Variants in CFAP298 observed in about 807,000 individuals in gnomAD.
CFAP298 encodes the protein cilia- and flagella-associated protein 298.
In CFAP298, 38 loss-of-function variants were observed where a neutral mutation model predicts 41.0. The observed-to-expected ratio is 0.93, with a 90% CI of 0.72 to 1.22. The LOEUF is 1.22. Among genes scored for constraint, CFAP298 ranks in the 50% most tolerant of loss-of-function variants. The pLI is 0.00. For missense variants in CFAP298, 348 were observed against 360.3 expected (o/e 0.97, Z 0.28); for synonymous variants, 137 against 135.3 (o/e 1.01, Z -0.09).
intron 3 of CFAP298, among the ~76,000 whole-genome samples, chr21:32,607,392 G>A (rs1338860440): frequency 3.3e-5 from 5 of 151,922 alleles, no homozygotes; most frequent in South Asian, 2.1e-4. Flanking sequence ...TCAGGAGTTC[G>A]AGACCAGCCT....
chr21:32,602,581 C>G (rs766192360), intron 5 of CFAP298: 2 of 1,378,606 alleles, frequency 1.5e-6, no homozygotes, highest in Non-Finnish European at 1.9e-6. Context: ...AGAGGCTGCA[C>G]GATACCATCT....
At position 32,608,852 on chromosome 21, in the gene CFAP298, C is replaced by A. The variant is rs141939680; in HGVS notation, c.307+986G>T. ...AAGGAAAAAATACTAGGAATTCTTA[C>A]TATCCCTGATATTTAAAAAAATGTA... On this transcript the variant is annotated intron_variant, in intron 2 of 6. Transcript: ENST00000290155. Among the ~76,000 whole-genome samples the A allele has an allele frequency of 1.7e-3, 258 of 152,200 alleles. 4 individuals are homozygous for A. Among genetic ancestry groups the A allele is most frequent in the African/African-American group, 6.0e-3 (250 of 41,510 alleles).
intron 5 of CFAP298, 66 bp from the exon 6 acceptor site, chr21:32,602,433 C>A: frequency 6.4e-7 from 1 of 1,560,018 alleles, no homozygotes; most frequent in African/African-American, 1.4e-5. Context: ...CCTGAAGTTA[C>A]AACAAATGTT....
rs187406612 is a variant in CFAP298, at chr21:32,604,216, C to G, written c.443G>C (p.Gly148Ala). 56 of 1,614,088 alleles carry G rather than the reference C, an allele frequency of 3.5e-5. No individual in the cohort carries two copies. In the East Asian group the frequency reaches 1.2e-3, roughly 35 times the overall value. Residue 148 changes from glycine to alanine, a missense_variant, in exon 4 of 7, where the codon GGC (glycine) becomes GCC (alanine). Transcript: ENST00000290155. The part of the protein sequence containing the change: ...MVKDALDQLR[G>A]AVMIVYPMGL... The stretch of plus-strand genomic sequence containing the variant: ...CATGGGGTAAACAATCATCACCGCG[C>G]CTCGAAGCTGGTCCAAGGCATCTTT...
Position 32,603,401 on chromosome 21 carries a change from C to T in CFAP298, c.535-109G>A, listed in dbSNP as rs139418844. The T allele has an allele frequency of 2.6e-5, 31 of 1,188,782 alleles. No homozygotes were observed. The African/African-American group carries it at 4.6e-4, about 18-fold the overall frequency. 73.6% of individuals were successfully genotyped at this position (1,188,782 alleles called of 1,614,324 possible). ...GGGGACAGATTTCTCCCCGTGCTCACCATGGGAGGCCTGACTCCCGCACCT... is the reference window on the plus strand; with the variant it reads ...GGGGACAGATTTCTCCCCGTGCTCATCATGGGAGGCCTGACTCCCGCACCT... On this transcript the variant is annotated intron_variant, in intron 4 of 6. Transcript: ENST00000290155.
intron 3 of CFAP298, 62 bp from the exon 4 acceptor site, chr21:32,604,345 G>A: frequency 6.3e-7 from 1 of 1,585,854 alleles, no homozygotes; most frequent in Non-Finnish European, 8.7e-7. Context: ...ATTCGATCAA[G>A]ATCTTGTACA....
At chr21:32,608,773 A>C (rs1288119485) in intron 2 of CFAP298, among the ~76,000 whole-genome samples, 7 of 152,030 alleles carry the variant, frequency 4.6e-5, no homozygotes, top group Non-Finnish European at 5.9e-5. Flanking sequence ...ATCTTACCAC[A>C]TCTTCTTACG....
chr21:32,611,701 T>C (rs1040855517), intron 1 of CFAP298, among the ~76,000 whole-genome samples: 23 of 152,278 alleles, frequency 1.5e-4, no homozygotes, highest in Middle Eastern at 3.4e-3. Context: ...GGTGGCTCGC[T>C]GCTTTACATT....
At chr21:32,603,322 G>A (rs1378019533) in intron 4 of CFAP298, 30 bp from the exon 5 acceptor site, 3 of 1,612,374 alleles carry the variant, frequency 1.9e-6, no homozygotes, top group Non-Finnish European at 2.5e-6. Context: ...TGGCTTGACT[G>A]TGTGTTCCCA....
At chr21:32,602,075 C>A in intron 6 of CFAP298, 102 bp from the exon 7 acceptor site, 1 of 890,326 alleles carries the variant, frequency 1.1e-6, no homozygotes, top group South Asian at 1.4e-5. Context: ...CCTCTCCCTG[C>A]CCTCTAGGAG....
At position 32,610,502 on chromosome 21, in the gene CFAP298, G is replaced by GC. The variant is rs543311263; in HGVS notation, c.140-498dup. ...TTACCCGTGTGAGCCACCACGCCCG[G>GC]CCCCATCCTTGTCTTCTGAAGGCTG... On this transcript the variant is annotated intron_variant, in intron 1 of 6. Coordinates refer to ENST00000290155, the MANE Select transcript of CFAP298 (RefSeq NM_021254.4). 5.3e-5 allele frequency among the ~76,000 whole-genome samples: 8 copies of GC among 152,254 alleles called. No homozygotes were observed. In the South Asian group the frequency reaches 1.5e-3, roughly 28 times the overall value.
rs116616917 is a variant in CFAP298 at position 32,600,485 on chromosome 21, C to T, written c.*1378G>A. On this transcript the variant is annotated 3_prime_UTR_variant, in exon 7 of 7. Transcript: ENST00000290155. ...GGAAGGCCAGGGCAGGAAGATGCCCCGCGTCCTTCACTTTCCCTCAGTGTG... is the reference window on the plus strand; with the variant it reads ...GGAAGGCCAGGGCAGGAAGATGCCCTGCGTCCTTCACTTTCCCTCAGTGTG... Among the ~76,000 whole-genome samples the T allele has an allele frequency of 2.5e-3, 379 of 152,306 alleles. 1 individual carries two copies. Among genetic ancestry groups the T allele is most frequent in the African/African-American group, 8.6e-3 (359 of 41,574 alleles).
intron 3 of CFAP298, among the ~76,000 whole-genome samples, chr21:32,607,065 A>G (rs1053746136): frequency 6.6e-6 from 1 of 152,226 alleles, no homozygotes; most frequent in Non-Finnish European, 1.5e-5. Context: ...AAAGAAATGA[A>G]ATCAACATTT....
rs1010217916 is a variant in CFAP298 at position 32,599,918 on chromosome 21, T to C, written c.*1945A>G. Among the ~76,000 whole-genome samples, 1 of 152,232 alleles carries C rather than the reference T, an allele frequency of 6.6e-6. No homozygotes were observed. The highest frequency in any genetic ancestry group is 1.5e-5 in the Non-Finnish European group (1 of 68,032). On this transcript the variant is annotated 3_prime_UTR_variant, in exon 7 of 7. Coordinates refer to ENST00000290155, the MANE Select transcript of CFAP298 (RefSeq NM_021254.4). The stretch of plus-strand genomic sequence containing the variant: ...GTAGTGTCATGCGTGAGTGACTTTT[T>C]GGTTAGTAAGTTCTGCTGATTACAT...
intron 1 of CFAP298, 146 bp from the exon 2 acceptor site, chr21:32,610,151 TG>T (rs1441516113): frequency 1.4e-6 from 1 of 719,242 alleles, no homozygotes; most frequent in East Asian, 2.7e-5. Flanking sequence ...GTGCCAGACC[TG>T]GCCTGGGCCT....
At chr21:32,611,911 G>A (rs1313458242) in intron 1 of CFAP298, among the ~76,000 whole-genome samples, 194 bp downstream of exon 1, 1 of 152,076 alleles carries the variant, frequency 6.6e-6, no homozygotes, top group Admixed American at 6.5e-5. Flanking sequence ...CCAGCCCGGG[G>A]TGTCAGACAG....
At chr21:32,607,521 AG>A (rs1221822312) in intron 3 of CFAP298, 127 bp downstream of exon 3, 6 of 569,946 alleles carry the variant, frequency 1.1e-5, no homozygotes, top group Non-Finnish European at 1.9e-5. Context: ...TGAACCCAGG[AG>A]GTGGAGGTTG....
Position 32,602,326 on chromosome 21 carries a change from A to C in CFAP298, c.708T>G (p.Ser236Arg), listed in dbSNP as rs747963630. The change falls in exon 6 of 7, where the codon AGT becomes AGG. Residue 236 changes from serine to arginine, a missense_variant. Ser to Arg is a moderately radical substitution (Grantham distance 110). Transcript: ENST00000290155. ...ACAGCATCAGCTGCTTCTGCTCCTC[A>C]CTGCTAATAATAGGCTCTCGGGCTG... ...GAPAREPIIS[S>R]EEQKQLMLYY... The C allele has an allele frequency of 1.9e-6, 3 of 1,613,820 alleles. No homozygotes were observed. In the African/African-American group the frequency reaches 4.0e-5, roughly 22 times the overall value.
intron 2 of CFAP298, among the ~76,000 whole-genome samples, 199 bp from the exon 3 acceptor site, chr21:32,607,915 T>C (rs762319875): frequency 6.6e-5 from 10 of 151,714 alleles, no homozygotes; most frequent in Admixed American, 1.3e-4. Flanking sequence ...AGACCTGGAG[T>C]GTGCTTTACG....
Sources: allele counts gnomAD v4.1 joint callset (sites outside exome capture counted in the v4.1 genomes callset), GRCh38; gene constraint gnomAD v4.1.1; transcripts MANE v1.5; gene names NCBI Gene and HGNC (gene_info 2026-07-23, HGNC 2026-07-21).